MKX: variants seen among roughly 807,000 people sequenced by gnomAD.
MKX encodes the protein homeobox protein Mohawk.
Under a neutral mutation model 36.0 loss-of-function variants are expected in MKX, and 13 were observed. The ratio of observed to expected loss-of-function variants is 0.36; its 90% CI spans 0.24 to 0.57. The LOEUF (loss-of-function observed/expected upper bound fraction) is 0.57, where lower values mean the gene tolerates loss of function less well. MKX is among the 20% of genes least tolerant of loss of function. The pLI, the probability that MKX is intolerant of heterozygous loss-of-function variation, is 0.79. For synonymous variants in MKX, 176 were observed against 178.3 expected (o/e 0.99, Z 0.10); for missense variants, 458 against 456.4 (o/e 1.00, Z -0.03).
intron 5 of MKX, among the ~76,000 whole-genome samples, chr10:27,731,562 C>T (rs539864101): frequency 6.6e-6 from 1 of 151,972 alleles, no homozygotes; most frequent in Non-Finnish European, 1.5e-5. Flanking sequence ...ACCATAAAAA[C>T]AAATCATTTA....
At chr10:27,691,196 A>G (rs891245805) in intron 5 of MKX, among the ~76,000 whole-genome samples, 4 of 152,202 alleles carry the variant, frequency 2.6e-5, no homozygotes, top group Non-Finnish European at 5.9e-5. Flanking sequence ...AGGATGCTCT[A>G]GAGAAGAGAA....
At chr10:27,675,445 A>G in intron 6 of MKX, 30 bp from the exon 7 acceptor site, 1 of 1,614,128 alleles carries the variant, frequency 6.2e-7, no homozygotes, top group Non-Finnish European at 8.5e-7. Flanking sequence ...AAAGTAAACG[A>G]TCAAACTCAC....
At position 27,725,336 on chromosome 10, in the gene MKX, G is replaced by A. The variant is rs1310389458; in HGVS notation, c.838+9120C>T. Among the ~76,000 whole-genome samples, 5 of 152,076 alleles carry A rather than the reference G, an allele frequency of 3.3e-5. No homozygotes were observed. The South Asian group carries it at 6.2e-4, about 19-fold the overall frequency. On this transcript the variant is annotated intron_variant, in intron 5 of 6. Coordinates refer to ENST00000419761, the MANE Select transcript of MKX (RefSeq NM_173576.3). ...AGGAAAGAGAGAAAAAGTTCATTAC[G>A]CAGCTGTTATTTAAACACACCACCC...
intron 3 of MKX, among the ~76,000 whole-genome samples, chr10:27,740,027 C>G (rs896088627): frequency 2.0e-5 from 3 of 152,098 alleles, no homozygotes; most frequent in African/African-American, 7.2e-5. Context: ...TCCACTGCTG[C>G]AGCAAATCAC....
chr10:27,713,332 AG>A (rs71388929), intron 5 of MKX, among the ~76,000 whole-genome samples: 1 of 152,210 alleles, frequency 6.6e-6, no homozygotes, highest in Non-Finnish European at 1.5e-5. Flanking sequence ...TGTGGGTTTA[AG>A]GGGGTGGATG....
chr10:27,726,201 G>C (rs1834485352), intron 5 of MKX, among the ~76,000 whole-genome samples: 1 of 152,176 alleles, frequency 6.6e-6, no homozygotes, highest in East Asian at 1.9e-4. Flanking sequence ...TGGTAAACTT[G>C]TTCTTAACAG....
intron 1 of MKX, among the ~76,000 whole-genome samples, chr10:27,743,760 G>A (rs1186074693): frequency 2.0e-5 from 3 of 152,134 alleles, no homozygotes; most frequent in South Asian, 4.1e-4. Flanking sequence ...CTACAACCGG[G>A]AATCATTCAC....
In MKX at chr10:27,741,255, G is replaced by T; in HGVS notation, c.348+90C>A. On this transcript the variant is annotated intron_variant, in intron 3 of 6. Coordinates refer to ENST00000419761, the MANE Select transcript of MKX (RefSeq NM_173576.3). This position sits in a 1 kb window ranked among gnomAD's most constrained non-coding sequence, Gnocchi z 5.1. ...GCTCCATCCCTCTCCAGGTAGAAGC[G>T]CCACGTGGAGAGCCACACGAACTCT... The T allele has an allele frequency of 6.6e-7, 1 of 1,520,002 alleles. No homozygotes were observed. Among genetic ancestry groups the T allele is most frequent in the Non-Finnish European group, 9.0e-7 (1 of 1,112,080 alleles). 94.2% of individuals were successfully genotyped at this position (1,520,002 alleles called of 1,614,324 possible).
intron 3 of MKX, among the ~76,000 whole-genome samples, chr10:27,739,324 G>A (rs1046841456): frequency 9.2e-5 from 14 of 151,928 alleles, no homozygotes; most frequent in African/African-American, 3.4e-4. Flanking sequence ...TCACTTTAAA[G>A]TTTCAGAAAC....
At chr10:27,675,493 G>A in intron 6 of MKX, 28 bp downstream of exon 6, 2 of 1,614,150 alleles carry the variant, frequency 1.2e-6, no homozygotes, top group Non-Finnish European at 1.7e-6. Context: ...TGAAAAGCAG[G>A]AACGGCCAAT....
chr10:27,742,104 G>A lies in MKX; in HGVS notation c.189-600C>T, dbSNP rs1198975583. Reference sequence around the variant, plus strand: ...AGGAGTTGGTGGTTTGTGGAGGAAAGCTGCAGAACCCAAAAACACCGTCGG... The same window carrying A: ...AGGAGTTGGTGGTTTGTGGAGGAAAACTGCAGAACCCAAAAACACCGTCGG... On this transcript the variant is annotated intron_variant, in intron 2 of 6. Transcript: ENST00000419761. This position sits in a 1 kb window ranked among gnomAD's most constrained non-coding sequence, Gnocchi z 4.2. 3.3e-5 allele frequency among the ~76,000 whole-genome samples: 5 copies of A among 152,360 alleles called. No homozygotes were observed. Among genetic ancestry groups the A allele is most frequent in the Middle Eastern group, 3.4e-3 (1 of 294 alleles).
Position 27,742,682 on chromosome 10 carries a change from C to G in MKX, c.188+546G>C, listed in dbSNP as rs535426962. On this transcript the variant is annotated intron_variant, in intron 2 of 6. Coordinates refer to ENST00000419761, the MANE Select transcript of MKX (RefSeq NM_173576.3). This position sits in a 1 kb window ranked among gnomAD's most constrained non-coding sequence, Gnocchi z 4.2. ...CGGCCCCGCAGGCCCGGGGCCTCCC[C>G]CTCCGGGTTCGCCGCGGGCCCAGCC... 3.3e-5 allele frequency among the ~76,000 whole-genome samples: 5 copies of G among 152,124 alleles called. No individual in the cohort carries two copies. Among genetic ancestry groups the G allele is most frequent in the Middle Eastern group, 3.4e-3 (1 of 292 alleles).
At chr10:27,704,006 ATG>A (rs1401416599) in intron 5 of MKX, among the ~76,000 whole-genome samples, 1 of 152,226 alleles carries the variant, frequency 6.6e-6, no homozygotes, top group Non-Finnish European at 1.5e-5. Context: ...CAAATTTATG[ATG>A]GTAGCAGAAT....
intron 5 of MKX, among the ~76,000 whole-genome samples, chr10:27,723,659 T>TTC (rs1834426756): frequency 6.6e-6 from 1 of 152,218 alleles, no homozygotes; most frequent in African/African-American, 2.4e-5. Flanking sequence ...ATTTAAGGAA[T>TTC]TCTCTCCCTT....
chr10:27,688,463 C>G (rs1836397716), intron 5 of MKX, among the ~76,000 whole-genome samples: 1 of 152,124 alleles, frequency 6.6e-6, no homozygotes, highest in African/African-American at 2.4e-5. Flanking sequence ...GACAAAGAGA[C>G]CTGGAGCCAC....
chr10:27,735,385 A>G lies in MKX; in HGVS notation c.349-11T>C, dbSNP rs200079170. On this transcript the variant is annotated splice_polypyrimidine_tract_variant and intron_variant, in intron 3 of 6. Coordinates refer to ENST00000419761, the MANE Select transcript of MKX (RefSeq NM_173576.3). ...AAACCAATTTGACACCTAAAACAGT[A>G]TTATTTTTCAATTAACAAAACTTAA... is the stretch of plus-strand genomic sequence containing the variant. 3.9e-5 allele frequency: 63 copies of G among 1,597,900 alleles called. No homozygotes were observed. The East Asian group carries it at 1.3e-3, about 34-fold the overall frequency.
At chr10:27,694,025 C>T (rs1221562020) in intron 5 of MKX, among the ~76,000 whole-genome samples, 1 of 152,090 alleles carries the variant, frequency 6.6e-6, no homozygotes, top group Admixed American at 6.5e-5. Flanking sequence ...TCTTCTTTTG[C>T]CTGCTGCCAT....
At chr10:27,720,866 G>T (rs1408968565) in intron 5 of MKX, among the ~76,000 whole-genome samples, 2 of 152,056 alleles carry the variant, frequency 1.3e-5, no homozygotes, top group Non-Finnish European at 2.9e-5. Flanking sequence ...AGATACTTGT[G>T]TACTTGAACA....
chr10:27,681,552 CTA>C (rs1174417726), intron 5 of MKX, among the ~76,000 whole-genome samples: 2 of 152,088 alleles, frequency 1.3e-5, no homozygotes, highest in Admixed American at 6.5e-5. Flanking sequence ...TAATAAATGA[CTA>C]TGTTACTGGG....
Sources: gnomAD v4.1 joint callset for allele counts (sites outside exome capture counted in the v4.1 genomes callset) on GRCh38, gnomAD v4.1.1 for gene constraint, Gnocchi (gnomAD v3.1) non-coding constraint, MANE v1.5 for transcripts, NCBI Gene and HGNC (gene_info 2026-07-23, HGNC 2026-07-21) for gene names.